ANK3: variants seen among roughly 807,000 people sequenced by gnomAD.
ANK3 encodes the protein ankyrin 3.
In ANK3, 57 loss-of-function variants were observed where a neutral mutation model predicts 370.9. That is an observed-to-expected ratio of 0.15 (90% CI 0.12 to 0.19). ANK3 has a LOEUF of 0.19. Among genes scored for constraint, ANK3 ranks in the 10% least tolerant of loss-of-function variants. The pLI, the probability that ANK3 is intolerant of heterozygous loss-of-function variation, is 1.00. For synonymous variants in ANK3, 1,929 were observed against 1,946.3 expected (o/e 0.99, Z 0.23); for missense variants, 4,439 against 5,302.1 (o/e 0.84, Z 5.06).
Position 60,728,715 on chromosome 10 carries a change from C to T in ANK3, c.57+4548G>A, listed in dbSNP as rs145556267. Among the ~76,000 whole-genome samples the T allele has an allele frequency of 6.5e-3, 992 of 152,208 alleles. 7 individuals carry two copies. Among genetic ancestry groups the T allele is most frequent in the Non-Finnish European group, 8.5e-3 (578 of 67,994 alleles). The stretch of plus-strand genomic sequence containing the variant: ...GTTACAGAACTAGTTAGTTGGAGAA[C>T]GGGGACTTCATTCCTTGACTCTTGG... On this transcript the variant is annotated intron_variant, in intron 1 of 43. Transcript: ENST00000373827.
At chr10:60,720,327 T>A (rs1034886554) in intron 1 of ANK3, among the ~76,000 whole-genome samples, 2 of 152,154 alleles carry the variant, frequency 1.3e-5, no homozygotes, top group Admixed American at 6.5e-5. Flanking sequence ...ATGCACCCTA[T>A]TTAAAGATGA....
At chr10:60,381,370 T>C (rs998970577) in intron 1 of ANK3, among the ~76,000 whole-genome samples, 8 of 152,198 alleles carry the variant, frequency 5.3e-5, no homozygotes, top group African/African-American at 1.9e-4. Context: ...AGCTAATTAG[T>C]ACTATTGTTA....
intron 2 of ANK3, among the ~76,000 whole-genome samples, chr10:60,443,071 G>A (rs1228435225): frequency 6.6e-6 from 1 of 152,134 alleles, no homozygotes; most frequent in Non-Finnish European, 1.5e-5. Flanking sequence ...GGAGGAGGAG[G>A]TCTTAGAGCT....
In ANK3 at chr10:60,486,883, A is replaced by T. The variant is rs1417920844; in HGVS notation, c.96+128303T>A. Among the ~76,000 whole-genome samples the T allele has an allele frequency of 2.0e-5, 3 of 152,344 alleles. No individual in the cohort carries two copies. The East Asian group carries it at 5.8e-4, about 29-fold the overall frequency. On this transcript the variant is annotated intron_variant, in intron 2 of 43. Coordinates refer to the ANK3 transcript ENST00000373827. ...ATGCAATTTTAAAAGATACGTTTCA[A>T]ACTGGACTTTAATTCTTAAAAGTTA...
At chr10:60,589,576 A>G (rs957006896) in intron 2 of ANK3, among the ~76,000 whole-genome samples, 1 of 152,322 alleles carries the variant, frequency 6.6e-6, no homozygotes, top group Middle Eastern at 3.4e-3. Context: ...GGCTTGAAGC[A>G]GGATAAAACT....
intron 1 of ANK3, among the ~76,000 whole-genome samples, chr10:60,302,909 T>C (rs892705256): frequency 6.6e-6 from 1 of 151,348 alleles, no homozygotes; most frequent in African/African-American, 2.4e-5. Flanking sequence ...AAAATCTGTG[T>C]GTCTAGTCAA....
At chr10:60,595,130 C>G (rs1275742872) in intron 2 of ANK3, among the ~76,000 whole-genome samples, 6 of 152,088 alleles carry the variant, frequency 3.9e-5, no homozygotes, top group African/African-American at 1.4e-4. Flanking sequence ...AATTGATGAA[C>G]AGTAGCAGGT....
At chr10:60,287,212 A>C (rs2040216050) in intron 1 of ANK3, among the ~76,000 whole-genome samples, 1 of 152,228 alleles carries the variant, frequency 6.6e-6, no homozygotes, top group Admixed American at 6.5e-5. Flanking sequence ...TATATTTTTA[A>C]ATCTCTACAG....
intron 2 of ANK3, among the ~76,000 whole-genome samples, chr10:60,552,401 T>G (rs1212579934): frequency 6.6e-6 from 1 of 152,204 alleles, no homozygotes; most frequent in Non-Finnish European, 1.5e-5. Context: ...ATATGTGAGA[T>G]TTCAACAAAA....
At position 60,172,993 on chromosome 10, in the gene ANK3, C is replaced by A. The variant is rs560373813; in HGVS notation, c.2289G>T (p.Gly763=). ...GTGCTGCTTGATGTAATGGCGTATACCCATTCTGTAGAAGGAAGATGGAAG... is the reference window on the plus strand; with the variant it reads ...GTGCTGCTTGATGTAATGGCGTATAACCATTCTGTAGAAGGAAGATGGAAG... ...SAKVNAKTKN[G]YTPLHQAAQQ... is the part of the protein sequence containing the mutation. The change falls in exon 20 of 44, where the codon GGG becomes GGT. Residue 763 remains glycine (G), a synonymous_variant. Coordinates refer to ENST00000280772, the MANE Select transcript of ANK3 (RefSeq NM_020987.5). The A allele has an allele frequency of 1.9e-6, 3 of 1,611,114 alleles. No homozygotes were observed. The African/African-American group carries it at 4.0e-5, about 22-fold the overall frequency.
At chr10:60,705,159 TA>T (rs951679910) in intron 1 of ANK3, among the ~76,000 whole-genome samples, 1 of 152,156 alleles carries the variant, frequency 6.6e-6, no homozygotes, top group Non-Finnish European at 1.5e-5. Flanking sequence ...TTAATCAAGT[TA>T]GATTTTTATA....
chr10:60,651,172 A>T (rs2078784813), intron 1 of ANK3, among the ~76,000 whole-genome samples: 2 of 152,202 alleles, frequency 1.3e-5, no homozygotes, highest in African/African-American at 4.8e-5. Context: ...CACACAATGT[A>T]CCTGTCTAAA....
At chr10:60,199,741 C>T (rs1211539415) in intron 13 of ANK3, among the ~76,000 whole-genome samples, 2 of 151,694 alleles carry the variant, frequency 1.3e-5, no homozygotes, top group Admixed American at 1.3e-4. Context: ...CTGTTGACAG[C>T]TGACTTATAA....
chr10:60,496,846 C>G (rs558922568), intron 2 of ANK3, among the ~76,000 whole-genome samples: 4 of 152,120 alleles, frequency 2.6e-5, no homozygotes, highest in African/African-American at 9.6e-5. Flanking sequence ...AGAATAGGGC[C>G]TGAGTCTCCT....
Position 60,031,486 on chromosome 10 carries a change from CCTT to C in ANK3, c.*20-1663_*20-1661del, listed in dbSNP as rs1235078040. Among the ~76,000 whole-genome samples, 4 of 152,296 alleles carry C rather than the reference CCTT, an allele frequency of 2.6e-5. No homozygotes were observed. In the East Asian group the frequency reaches 5.8e-4, roughly 22 times the overall value. ...GTTCTTCCCATATATTGTCTCTCCT[CCTT>C]GTTTAGTGTGAAAAGCTGACAAACT... On this transcript the variant is annotated intron_variant, in intron 43 of 43. Coordinates refer to ENST00000280772, the MANE Select transcript of ANK3 (RefSeq NM_020987.5).
At chr10:60,324,135 G>C (rs2049269335) in intron 1 of ANK3, among the ~76,000 whole-genome samples, 1 of 152,210 alleles carries the variant, frequency 6.6e-6, no homozygotes, top group Non-Finnish European at 1.5e-5. Context: ...CCACTACAGA[G>C]AGAAATATGA....
chr10:60,075,098 G>A lies in ANK3; in HGVS notation c.5783C>T (p.Pro1928Leu). The A allele has an allele frequency of 6.2e-7, 1 of 1,614,056 alleles. No individual in the cohort carries two copies. The highest frequency in any genetic ancestry group is 1.7e-5 in the Admixed American group (1 of 59,998). ...TTCCTTTGGGAGTTCAGGTTGGAAT[G>A]GCTTCTCCTCAGGCACATCTGTCTG... ...ILQTDVPEEKPFQPELPKEGR... is the reference protein window; with the variant it reads ...ILQTDVPEEKLFQPELPKEGR... The change falls in exon 37 of 44, where the codon CCA (proline) becomes CTA (leucine). Residue 1928 changes from proline (P) to leucine (L), a missense_variant. Physicochemically the swap from Pro to Leu is moderately conservative, Grantham distance 98. Around this residue, in one of 13 missense-constraint regions of ANK3, gnomAD observed 679 missense variants for 791.0 expected, o/e 0.86. Transcript: ENST00000280772.
chr10:60,496,701 A>T (rs898889406), intron 2 of ANK3, among the ~76,000 whole-genome samples: 3 of 142,238 alleles, frequency 2.1e-5, no homozygotes, highest in African/African-American at 7.8e-5. Context: ...TTCAACTCTC[A>T]TTTGGTATTC....
intron 23 of ANK3, chr10:60,141,159 G>A: frequency 5.7e-6 from 2 of 351,956 alleles, no homozygotes; most frequent in Non-Finnish European, 8.0e-6. Context: ...TCTCCAAGAG[G>A]CACTTTGCAA....
Sources: gnomAD v4.1 joint callset for allele counts (sites outside exome capture counted in the v4.1 genomes callset) on GRCh38, gnomAD v4.1.1 for gene constraint, gnomAD v4.1.1 regional missense constraint, MANE v1.5 for transcripts, NCBI Gene and HGNC (gene_info 2026-07-23, HGNC 2026-07-21) for gene names.